EPB41L4B: variants seen among roughly 807,000 people sequenced by gnomAD.
EPB41L4B encodes the protein erythrocyte membrane protein band 4.1 like 4B, also known as band 4.1-like protein 4B.
EPB41L4B carries 30 observed loss-of-function variants against 112.5 expected under a neutral mutation model. That is an observed-to-expected ratio of 0.27 (90% confidence interval 0.20 to 0.36). EPB41L4B has a LOEUF of 0.36. EPB41L4B is among the 10% of genes least tolerant of loss of function. The probability of loss-of-function intolerance (pLI) is 1.00; values close to 1 mark genes in which losing one functional copy is unlikely to be tolerated. For missense variants in EPB41L4B, 1,024 were observed against 1,133.3 expected (o/e 0.90, Z 1.38); for synonymous variants, 408 against 439.7 (o/e 0.93, Z 0.90).
At chr9:109,252,374 C>T (rs765596778) in intron 12 of EPB41L4B, among the ~76,000 whole-genome samples, 13 of 152,202 alleles carry the variant, frequency 8.5e-5, no homozygotes, top group African/African-American at 1.9e-4. Context: ...TCCTCCCGGG[C>T]GCTGTGGCCA....
chr9:109,239,199 T>G (rs1403668578), intron 15 of EPB41L4B, among the ~76,000 whole-genome samples: 3 of 152,146 alleles, frequency 2.0e-5, no homozygotes, highest in African/African-American at 7.2e-5. Context: ...CAAGTATGAA[T>G]ACCAAGGCAG....
At chr9:109,176,045 CACACGCACACACACACA>C (rs1831819289) in intron 25 of EPB41L4B, among the ~76,000 whole-genome samples, 1 of 9,272 alleles carries the variant, frequency 1.1e-4, no homozygotes, top group African/African-American at 1.3e-3. Flanking sequence ...CAATATCACA[CACACGCACACACACACA>C]CACACACACA....
chr9:109,245,751 C>G (rs1834530311), intron 14 of EPB41L4B, among the ~76,000 whole-genome samples: 1 of 152,212 alleles, frequency 6.6e-6, no homozygotes, highest in African/African-American at 2.4e-5. Flanking sequence ...GGCCACTTCT[C>G]AGGACGTTCT....
intron 12 of EPB41L4B, among the ~76,000 whole-genome samples, chr9:109,251,795 A>G (rs1199959192): frequency 6.6e-6 from 1 of 152,216 alleles, no homozygotes; most frequent in African/African-American, 2.4e-5. Context: ...TTCCCTGTCT[A>G]GAGACAGAGA....
chr9:109,276,257 T>G (rs980827501), intron 2 of EPB41L4B, among the ~76,000 whole-genome samples: 1 of 148,676 alleles, frequency 6.7e-6, no homozygotes, highest in Non-Finnish European at 1.5e-5. Context: ...AAAATAAGAT[T>G]TGCATAGTAG....
At chr9:109,290,784 C>CA (rs1564324053) in intron 1 of EPB41L4B, among the ~76,000 whole-genome samples, 57 of 147,642 alleles carry the variant, frequency 3.9e-4, no homozygotes, top group East Asian at 2.6e-3. Flanking sequence ...ACACACACAC[C>CA]CCCCACCAAG....
chr9:109,305,365 T>C (rs1438199858), intron 1 of EPB41L4B, among the ~76,000 whole-genome samples: 1 of 152,194 alleles, frequency 6.6e-6, no homozygotes, highest in Admixed American at 6.5e-5. Flanking sequence ...AGGCCTGTAA[T>C]CCCAGCACTT....
intron 13 of EPB41L4B, among the ~76,000 whole-genome samples, chr9:109,249,613 C>T (rs534996798): frequency 6.6e-6 from 1 of 151,264 alleles, no homozygotes; most frequent in African/African-American, 2.4e-5. Flanking sequence ...ACAATCACTA[C>T]CTTAGAGAGC....
intron 15 of EPB41L4B, among the ~76,000 whole-genome samples, chr9:109,239,509 G>C (rs1480672506): frequency 6.6e-6 from 1 of 152,140 alleles, no homozygotes; most frequent in Admixed American, 6.5e-5. Context: ...GTAGACTGTG[G>C]TGAAAAGAGC....
intron 13 of EPB41L4B, among the ~76,000 whole-genome samples, chr9:109,248,785 C>T (rs1166145742): frequency 2.0e-5 from 3 of 151,888 alleles, no homozygotes; most frequent in East Asian, 1.9e-4. Context: ...ATAGGCCGGG[C>T]GTGGTAGCTC....
chr9:109,257,115 C>G (rs146928149), intron 7 of EPB41L4B, among the ~76,000 whole-genome samples: 1,665 of 152,210 alleles, frequency 0.011, 24 homozygotes, highest in African/African-American at 0.038. Context: ...GTGGGGTGTG[C>G]CATACCCGCA....
chr9:109,279,007 A>T (rs1835936372), intron 2 of EPB41L4B, among the ~76,000 whole-genome samples: 1 of 152,122 alleles, frequency 6.6e-6, no homozygotes, highest in Non-Finnish European at 1.5e-5. Context: ...GGAACCTGCA[A>T]GATGGTTCTC....
Position 109,202,870 on chromosome 9 carries a change from A to G in EPB41L4B, c.1946+793T>C, listed in dbSNP as rs566528833. On this transcript the variant is annotated intron_variant, in intron 19 of 25. Coordinates refer to ENST00000374566, the MANE Select transcript of EPB41L4B (RefSeq NM_019114.5). ...ACCCCATAAATTTATACAAAGAAAA[A>G]GTAGGCTAGGTGTGGTGGCTCACAC... 2.4e-3 allele frequency among the ~76,000 whole-genome samples: 364 copies of G among 152,236 alleles called. 2 individuals are homozygous for G. The highest frequency in any genetic ancestry group is 8.4e-3 in the African/African-American group (349 of 41,544).
chr9:109,193,686 C>T (rs1346876480), intron 21 of EPB41L4B, among the ~76,000 whole-genome samples: 1 of 152,256 alleles, frequency 6.6e-6, no homozygotes, highest in East Asian at 1.9e-4. Context: ...CTAGAGGTCT[C>T]TCAAAGAAAA....
intron 1 of EPB41L4B, among the ~76,000 whole-genome samples, chr9:109,315,464 T>A (rs904306725): frequency 2.0e-5 from 3 of 152,174 alleles, no homozygotes; most frequent in African/African-American, 7.2e-5. Flanking sequence ...CTGTTCTATT[T>A]CCAACTGCCA....
At chr9:109,199,033 T>C (rs931123975) in intron 20 of EPB41L4B, among the ~76,000 whole-genome samples, 1 of 152,172 alleles carries the variant, frequency 6.6e-6, no homozygotes, top group Non-Finnish European at 1.5e-5. Flanking sequence ...ATTATAATTA[T>C]TTGTGACTCT....
chr9:109,177,581 G>C (rs1267887375), intron 24 of EPB41L4B, among the ~76,000 whole-genome samples: 2 of 152,148 alleles, frequency 1.3e-5, no homozygotes, highest in East Asian at 3.9e-4. Flanking sequence ...CAACACTTTG[G>C]GAGGTCGAGG....
intron 1 of EPB41L4B, among the ~76,000 whole-genome samples, chr9:109,307,781 C>A (rs1837265763): frequency 6.6e-6 from 1 of 152,106 alleles, no homozygotes; most frequent in Non-Finnish European, 1.5e-5. Flanking sequence ...CTGGAGAAAG[C>A]CCCAGCTCTC....
chr9:109,265,479 A>T (rs1236766138), intron 4 of EPB41L4B, among the ~76,000 whole-genome samples: 1 of 152,160 alleles, frequency 6.6e-6, no homozygotes, highest in African/African-American at 2.4e-5. Flanking sequence ...TCAAAAAACC[A>T]CTGGGGGTTC....
Sources: gnomAD v4.1 joint callset for allele counts (sites outside exome capture counted in the v4.1 genomes callset) on GRCh38, gnomAD v4.1.1 for gene constraint, MANE v1.5 for transcripts, NCBI Gene and HGNC (gene_info 2026-07-23, HGNC 2026-07-21) for gene names.